The following DLG2 variants were observed in gnomAD, a reference collection of about 807,000 sequenced individuals.
DLG2 encodes the protein discs large MAGUK scaffold protein 2, also known as disks large homolog 2.
Under a neutral mutation model 132.5 loss-of-function variants are expected in DLG2, and 45 were observed. The observed-to-expected ratio is 0.34, with a 90% CI of 0.27 to 0.44. DLG2 has a LOEUF of 0.44. Ranked by LOEUF, DLG2 falls within the 20% of genes least tolerant of loss-of-function variation. The pLI, the probability that DLG2 is intolerant of heterozygous loss-of-function variation, is 1.00. For synonymous variants in DLG2, 424 were observed against 419.6 expected (o/e 1.01, Z -0.13); for missense variants, 1,045 against 1,196.9 (o/e 0.87, Z 1.87).
rs768788551 is a variant in DLG2 at position 84,251,268 on chromosome 11, G to T, written c.543C>A (p.Val181=). The T allele has an allele frequency of 6.3e-7, 1 of 1,591,154 alleles. No individual in the cohort carries two copies. The highest frequency in any genetic ancestry group is 1.2e-5 in the South Asian group (1 of 85,414). The change falls in exon 8 of 28, where the codon GTC becomes GTA. Residue 181 remains valine (V), a synonymous_variant. Coordinates refer to ENST00000376104, the MANE Select transcript of DLG2 (RefSeq NM_001142699.3). ...PLKASPAPII[V]NTDTLDTIPY... ...GAATTGTGTCCAAAGTATCTGTGTT[G>T]ACAATTATAGGAGCAGGACTGGCCT...
chr11:83,482,921 A>C (rs1170861326), intron 22 of DLG2, among the ~76,000 whole-genome samples: 1 of 152,126 alleles, frequency 6.6e-6, no homozygotes, highest in Admixed American at 6.6e-5. Context: ...TTCTTTCAAC[A>C]TGGTTTCTTG....
chr11:83,572,375 C>G (rs1171313267), intron 19 of DLG2, among the ~76,000 whole-genome samples: 1 of 151,974 alleles, frequency 6.6e-6, no homozygotes, highest in Admixed American at 6.6e-5. Context: ...CATAATCTGA[C>G]CAGCTGTGTA....
chr11:85,116,165 A>C (rs1228918828), intron 5 of DLG2, among the ~76,000 whole-genome samples: 1 of 152,024 alleles, frequency 6.6e-6, no homozygotes, highest in African/African-American at 2.4e-5. Context: ...ATGCAAATGG[A>C]CTGTGAGTTG....
intron 3 of DLG2, among the ~76,000 whole-genome samples, chr11:85,527,167 G>C (rs1415029324): frequency 6.8e-6 from 1 of 147,042 alleles, no homozygotes; most frequent in African/African-American, 2.5e-5. Context: ...TTGCCTAAAG[G>C]ATGTTTTTAT....
chr11:83,932,384 G>A (rs950931382), intron 14 of DLG2, among the ~76,000 whole-genome samples: 4 of 151,190 alleles, frequency 2.6e-5, no homozygotes, highest in Non-Finnish European at 4.4e-5. Flanking sequence ...ACAGGCGCCT[G>A]CCACCACGCC....
intron 5 of DLG2, among the ~76,000 whole-genome samples, chr11:85,122,949 T>TTATATATATATTATA (rs1555376285): frequency 1.0e-4 from 5 of 48,154 alleles, no homozygotes; most frequent in African/African-American, 5.0e-4. Flanking sequence ...TGTATATATA[T>TTATATATATATTATA]TATATATATA....
intron 19 of DLG2, among the ~76,000 whole-genome samples, chr11:83,618,778 T>TAAC (rs1206349814): frequency 2.0e-5 from 3 of 152,270 alleles, no homozygotes; most frequent in African/African-American, 7.2e-5. Context: ...CTGCCAAAGA[T>TAAC]AACAACAACA....
chr11:84,436,312 C>T (rs574764318), intron 7 of DLG2, among the ~76,000 whole-genome samples: 27 of 152,252 alleles, frequency 1.8e-4, no homozygotes, highest in Middle Eastern at 3.4e-3. Flanking sequence ...TAAAAAAATT[C>T]GTATCTTGGT....
At chr11:84,419,044 C>T (rs988180488) in intron 7 of DLG2, among the ~76,000 whole-genome samples, 1 of 151,914 alleles carries the variant, frequency 6.6e-6, no homozygotes, top group East Asian at 1.9e-4. Flanking sequence ...CTTATCTGTC[C>T]TGGTATACTT....
chr11:83,873,896 T>C (rs904298634), intron 16 of DLG2, among the ~76,000 whole-genome samples: 25 of 152,214 alleles, frequency 1.6e-4, no homozygotes, highest in Non-Finnish European at 1.6e-4. Flanking sequence ...ATTAATCCCT[T>C]ATGCATATCT....
chr11:83,891,979 T>G (rs1301809543), intron 15 of DLG2, among the ~76,000 whole-genome samples: 3 of 152,122 alleles, frequency 2.0e-5, no homozygotes, highest in Non-Finnish European at 4.4e-5. Context: ...CATGGCAGAG[T>G]AATTCCTTAC....
rs564584104 is a variant in DLG2, at chr11:85,163,020, G to A, written c.187-8369C>T. On this transcript the variant is annotated intron_variant, in intron 4 of 27. Coordinates refer to ENST00000376104, the MANE Select transcript of DLG2 (RefSeq NM_001142699.3). ...GAATATAAAGCAGGCAAAACAACGT[G>A]AAAAGACTAGACTGGCCTAGTTTCC... 2.4e-4 allele frequency among the ~76,000 whole-genome samples: 37 copies of A among 152,230 alleles called. No individual in the cohort carries two copies. The South Asian group carries it at 6.4e-3, about 26-fold the overall frequency.
At chr11:84,474,048 A>G (rs962257607) in intron 7 of DLG2, among the ~76,000 whole-genome samples, 2 of 151,976 alleles carry the variant, frequency 1.3e-5, no homozygotes, top group African/African-American at 4.8e-5. Context: ...TGTTCAATTC[A>G]TACCTTCCAT....
chr11:83,722,796 G>A (rs1025946687), intron 18 of DLG2, among the ~76,000 whole-genome samples: 1 of 152,176 alleles, frequency 6.6e-6, no homozygotes, highest in Non-Finnish European at 1.5e-5. Context: ...CAGAGCCACA[G>A]AAATGCAAAG....
intron 7 of DLG2, among the ~76,000 whole-genome samples, chr11:84,319,055 A>G (rs2098387344): frequency 1.3e-5 from 2 of 152,238 alleles, no homozygotes. Flanking sequence ...ATTCTTGTTA[A>G]GGAAATTTGT....
At position 84,779,194 on chromosome 11, in the gene DLG2, GCACA is replaced by G. The variant is rs112067471; in HGVS notation, c.358-244467_358-244464del. 4.5e-3 allele frequency among the ~76,000 whole-genome samples: 669 copies of G among 148,980 alleles called. 4 individuals carry two copies. Among genetic ancestry groups the G allele is most frequent in the African/African-American group, 0.016 (623 of 40,134 alleles). ...CCCTTTCTCATATATATATATGTGC[GCACA>G]CACACACACACACACATATATATGT... On this transcript the variant is annotated intron_variant, in intron 6 of 27. Coordinates refer to ENST00000376104, the MANE Select transcript of DLG2 (RefSeq NM_001142699.3).
chr11:84,708,385 A>G (rs1378622838), intron 6 of DLG2, among the ~76,000 whole-genome samples: 1 of 151,912 alleles, frequency 6.6e-6, no homozygotes, highest in Middle Eastern at 3.2e-3. Context: ...AGTTCTGTAC[A>G]CAGCAAGCAA....
At chr11:84,990,077 G>C (rs2056920165) in intron 6 of DLG2, among the ~76,000 whole-genome samples, 1 of 152,114 alleles carries the variant, frequency 6.6e-6, no homozygotes, top group Non-Finnish European at 1.5e-5. Context: ...AAAGCTACAG[G>C]ACAAGAGTAC....
chr11:85,000,716 G>T, intron 6 of DLG2, among the ~76,000 whole-genome samples: 1 of 152,048 alleles, frequency 6.6e-6, no homozygotes, highest in East Asian at 1.9e-4. Flanking sequence ...TTTCTTTTAC[G>T]TATTTCATCA....
Sources: allele counts gnomAD v4.1 joint callset (sites outside exome capture counted in the v4.1 genomes callset), GRCh38; gene constraint gnomAD v4.1.1; transcripts MANE v1.5; gene names NCBI Gene and HGNC (gene_info 2026-07-23, HGNC 2026-07-21).